The following MMRN1 variants were observed in gnomAD, a reference collection of about 807,000 sequenced individuals.
MMRN1 encodes multimerin 1.
MMRN1 carries 94 observed loss-of-function variants against 100.7 expected under a neutral mutation model. That is an observed-to-expected ratio of 0.93 (90% confidence interval 0.79 to 1.11). The LOEUF (loss-of-function observed/expected upper bound fraction) is 1.11. Among genes scored for constraint, MMRN1 ranks in the 50% least tolerant of loss-of-function variants. The pLI, the probability that MMRN1 is intolerant of heterozygous loss-of-function variation, is 0.00. For synonymous variants in MMRN1, 575 were observed against 505.0 expected, an observed-to-expected ratio of 1.14 and a Z score of -1.86; for missense variants, 1,606 against 1,439.1, an observed-to-expected ratio of 1.12 and a Z score of -1.88.
At chr4:89,922,710 C>T (rs1296160191) in intron 3 of MMRN1, among the ~76,000 whole-genome samples, 3 of 152,162 alleles carry the variant, frequency 2.0e-5, no homozygotes, top group African/African-American at 7.2e-5. Context: ...AATGAAATAG[C>T]TATTTTTATT....
chr4:89,900,256 C>T (rs1363315292), intron 1 of MMRN1, among the ~76,000 whole-genome samples: 1 of 152,094 alleles, frequency 6.6e-6, no homozygotes, highest in Non-Finnish European at 1.5e-5. Flanking sequence ...GAAATTTGGT[C>T]TTTCATTCAT....
intron 6 of MMRN1, among the ~76,000 whole-genome samples, chr4:89,942,686 A>G (rs1446906056): frequency 1.3e-5 from 2 of 152,102 alleles, no homozygotes; most frequent in Non-Finnish European, 2.9e-5. Context: ...TATCACATGA[A>G]ACTCCATTGA....
At chr4:89,903,641 T>A (rs937857545) in intron 1 of MMRN1, among the ~76,000 whole-genome samples, 1 of 151,882 alleles carries the variant, frequency 6.6e-6, no homozygotes, top group Non-Finnish European at 1.5e-5. Context: ...ATTTTACTTT[T>A]CTTAAAACAT....
chr4:89,926,681 G>A (rs575059710), intron 4 of MMRN1, among the ~76,000 whole-genome samples: 1 of 152,144 alleles, frequency 6.6e-6, no homozygotes, highest in South Asian at 2.1e-4. Context: ...TGGTTGTGGG[G>A]TATTACTCAA....
chr4:89,893,682 C>G (rs551452352), upstream of MMRN1, among the ~76,000 whole-genome samples: 2 of 152,170 alleles, frequency 1.3e-5, no homozygotes, highest in South Asian at 4.1e-4. Context: ...AGACATTTAG[C>G]AAATTGACAG....
chr4:89,911,658 C>A (rs958263805), intron 2 of MMRN1, among the ~76,000 whole-genome samples: 1 of 151,122 alleles, frequency 6.6e-6, no homozygotes, highest in Non-Finnish European at 1.5e-5. Context: ...ATTGATTTAG[C>A]AAGAAGTATT....
chr4:89,924,917 G>A (rs1461472981), intron 4 of MMRN1, among the ~76,000 whole-genome samples: 1 of 152,068 alleles, frequency 6.6e-6, no homozygotes, highest in African/African-American at 2.4e-5. Flanking sequence ...CATAGTAGGT[G>A]TATGTACTGT....
At position 89,881,607 on chromosome 4, in the gene MMRN1, C is replaced by T. The variant is rs138181388; in HGVS notation, c.-249+2005C>T. Among the ~76,000 whole-genome samples the T allele has an allele frequency of 1.1e-4, 17 of 151,536 alleles. No individual in the cohort carries two copies. The South Asian group carries it at 2.3e-3, about 20-fold the overall frequency. On this transcript the variant is annotated intron_variant, in intron 1 of 8. Coordinates refer to the MMRN1 transcript ENST00000394980. ...AATATTATTTAATATTCATTAAAGCCGTTTTGTGTTTGTCAAAGGTGCCCA... is the reference window on the plus strand; with the variant it reads ...AATATTATTTAATATTCATTAAAGCTGTTTTGTGTTTGTCAAAGGTGCCCA...
At chr4:89,913,297 CATT>C (rs1348611363) in intron 3 of MMRN1, among the ~76,000 whole-genome samples, 1 of 151,242 alleles carries the variant, frequency 6.6e-6, no homozygotes, top group African/African-American at 2.4e-5. Context: ...TTAATTCCAT[CATT>C]ATTTCTTGAT....
intron 1 of MMRN1, among the ~76,000 whole-genome samples, chr4:89,884,744 G>T (rs1383964807): frequency 1.3e-5 from 2 of 151,992 alleles, no homozygotes; most frequent in South Asian, 4.1e-4. Context: ...CTACAGGAGT[G>T]TGCCACCACA....
At chr4:89,934,712 C>T (rs41279297) in intron 5 of MMRN1, 98 bp from the exon 6 acceptor site, 125 of 585,618 alleles carry the variant, frequency 2.1e-4, no homozygotes, top group Middle Eastern at 5.1e-4. Context: ...TTTATTATTA[C>T]GTGTTATTAA....
At chr4:89,888,058 GATA>G (rs1261349917) in intron 1 of MMRN1, among the ~76,000 whole-genome samples, 1 of 151,540 alleles carries the variant, frequency 6.6e-6, no homozygotes, top group African/African-American at 2.4e-5. Context: ...CTATAATAAA[GATA>G]ATATCAATTA....
chr4:89,904,825 A>G (rs1438220629), intron 1 of MMRN1, among the ~76,000 whole-genome samples: 5 of 151,644 alleles, frequency 3.3e-5, no homozygotes. Flanking sequence ...ATTTTTATTG[A>G]CTTAGGACAC....
rs1158090489 is a variant in MMRN1 at position 89,895,151 on chromosome 4, C to T, written c.180C>T (p.Val60=). The change falls in exon 1 of 8, where the codon GTC becomes GTT. Residue 60 remains valine (V), a synonymous_variant. Transcript: ENST00000264790. ...QSLQILPTTR[V]MSAEIATTPE... The stretch of plus-strand genomic sequence containing the variant: ...TGCAAATACTGCCAACCACTCGGGT[C>T]ATGTCGGCGGAGATAGCTACAACTC... 2 of 1,613,720 alleles carry T rather than the reference C, an allele frequency of 1.2e-6. No individual in the cohort carries two copies. The highest frequency in any genetic ancestry group is 1.7e-5 in the Admixed American group (1 of 59,958).
rs375593748 is a variant in MMRN1, at chr4:89,901,370, AATT to A, written c.623+5783_623+5785del. 3.9e-3 allele frequency among the ~76,000 whole-genome samples: 595 copies of A among 151,736 alleles called. 8 individuals are homozygous for A. The highest frequency in any genetic ancestry group is 0.014 in the African/African-American group (573 of 41,150). On this transcript the variant is annotated intron_variant, in intron 1 of 7. Coordinates refer to ENST00000264790, the MANE Select transcript of MMRN1 (RefSeq NM_007351.3). The stretch of plus-strand genomic sequence containing the variant: ...TTTAATGACAAATTAGAAAATTAGA[AATT>A]ATTATTTCTGAGTTTAATGACAAAT...
At chr4:89,909,078 C>T (rs879138138) in intron 1 of MMRN1, among the ~76,000 whole-genome samples, 198 bp from the exon 2 acceptor site, 6 of 151,116 alleles carry the variant, frequency 4.0e-5, no homozygotes, top group Non-Finnish European at 8.9e-5. Context: ...TTAGTGTTTC[C>T]TTATAGTCCC....
At chr4:89,932,855 A>T (rs550303682) in intron 5 of MMRN1, among the ~76,000 whole-genome samples, 3 of 152,226 alleles carry the variant, frequency 2.0e-5, no homozygotes, top group Non-Finnish European at 4.4e-5. Flanking sequence ...CATTTTCTCC[A>T]TTGTCTTGGC....
At chr4:89,946,868 A>T (rs991480658) in intron 6 of MMRN1, among the ~76,000 whole-genome samples, 3 of 152,200 alleles carry the variant, frequency 2.0e-5, no homozygotes, top group Non-Finnish European at 4.4e-5. Context: ...CAGTGGTAGA[A>T]TGTTGACTTG....
chr4:89,943,176 T>A (rs1560598471), intron 6 of MMRN1, among the ~76,000 whole-genome samples: 1 of 152,296 alleles, frequency 6.6e-6, no homozygotes, highest in East Asian at 1.9e-4. Context: ...TAGCATATGA[T>A]TGCATTTTCC....
Sources: gnomAD v4.1 joint callset for allele counts (sites outside exome capture counted in the v4.1 genomes callset) on GRCh38, gnomAD v4.1.1 for gene constraint, MANE v1.5 for transcripts, NCBI Gene and HGNC (gene_info 2026-07-23, HGNC 2026-07-21) for gene names.